The following KIF5B variants were observed in gnomAD, a reference collection of about 807,000 sequenced individuals.
KIF5B encodes the protein kinesin family member 5B.
KIF5B carries 49 observed loss-of-function variants against 132.8 expected under a neutral mutation model. The observed-to-expected ratio is 0.37, with a 90% CI of 0.29 to 0.47. The LOEUF (loss-of-function observed/expected upper bound fraction) is 0.47, where lower values mean the gene tolerates loss of function less well. Among genes scored for constraint, KIF5B ranks in the 20% least tolerant of loss-of-function variants. The pLI is 1.00. For missense variants in KIF5B, 780 were observed against 1,144.0 expected, an observed-to-expected ratio of 0.68 and a Z score of 4.59; for synonymous variants, 355 against 369.4, an observed-to-expected ratio of 0.96 and a Z score of 0.45.
chr10:32,031,294 ATAATT>A lies in KIF5B; in HGVS notation c.1375-20_1375-16del. The A allele has an allele frequency of 1.2e-6, 2 of 1,604,090 alleles. No homozygotes were observed. The highest frequency in any genetic ancestry group is 1.7e-6 in the Non-Finnish European group (2 of 1,172,632). On this transcript the variant is annotated splice_polypyrimidine_tract_variant and intron_variant, in intron 13 of 25. Transcript: ENST00000302418. ...GATGCCAAAAGCTATAGGACAGAAA[ATAATT>A]TATTTTCCCCAAAAGTATACAGGTT...
intron 19 of KIF5B, 42 bp from the exon 20 acceptor site, chr10:32,020,001 A>C: frequency 7.9e-7 from 1 of 1,261,206 alleles, no homozygotes; most frequent in Non-Finnish European, 1.1e-6. Flanking sequence ...TCAATATCAC[A>C]GTTTTCTCAA....
chr10:32,023,021 C>CAGGA lies in KIF5B; in HGVS notation c.1740_1741insTCCT (p.Gly581SerfsTer6). 1 of 1,583,918 alleles carries CAGGA rather than the reference C, an allele frequency of 6.3e-7. No homozygotes were observed. The highest frequency in any genetic ancestry group is 8.6e-7 in the Non-Finnish European group (1 of 1,162,654). On this transcript the variant is annotated frameshift_variant, in exon 16 of 26. Coordinates refer to ENST00000302418, the MANE Select transcript of KIF5B (RefSeq NM_004521.3). LOFTEE classifies it high-confidence loss of function. ...ACAGTGAACTCTTCATCTATCATGCCAGTTCCCTCAGGCTGCTGTAAGGAA... is the reference window on the plus strand; with the variant it reads ...ACAGTGAACTCTTCATCTATCATGCCAGGAAGTTCCCTCAGGCTGCTGTAAGGAA...
intron 1 of KIF5B, 117 bp from the exon 2 acceptor site, chr10:32,048,668 T>C: frequency 3.2e-6 from 2 of 631,930 alleles, no homozygotes; most frequent in South Asian, 2.1e-5. Flanking sequence ...CTAGTATGCA[T>C]AATTTGGTAT....
Position 32,021,059 on chromosome 10 carries a change from C to T in KIF5B, c.2167G>A (p.Val723Ile), listed in dbSNP as rs773891861. The T allele has an allele frequency of 1.9e-6, 3 of 1,613,014 alleles. No homozygotes were observed. Among genetic ancestry groups the T allele is most frequent in the Non-Finnish European group, 2.5e-6 (3 of 1,179,198 alleles). The part of the protein sequence containing the change: ...QKQISSLRDE[V>I]EAKAKLITDL... ...GTAATAAGTTTTGCTTTTGCTTCTACTTCATCTCTCAAACTACTGATCTGT... is the reference window on the plus strand; with the variant it reads ...GTAATAAGTTTTGCTTTTGCTTCTATTTCATCTCTCAAACTACTGATCTGT... Residue 723 changes from valine to isoleucine, a missense_variant, in exon 19 of 26, where the codon GTA (valine) becomes ATA (isoleucine). Val to Ile is a conservative substitution (Grantham distance 29). Coordinates refer to ENST00000302418, the MANE Select transcript of KIF5B (RefSeq NM_004521.3).
rs1169323611 is a variant in KIF5B at position 32,010,555 on chromosome 10, G to A, written c.*982C>T. ...TCTTCATTTTTCTCAATTTCCACACGCTATAAATTTAGGTCGGCCAATAAA... is the reference window on the plus strand; with the variant it reads ...TCTTCATTTTTCTCAATTTCCACACACTATAAATTTAGGTCGGCCAATAAA... On this transcript the variant is annotated 3_prime_UTR_variant, in exon 26 of 26. Transcript: ENST00000302418. The A allele has an allele frequency of 2.6e-5, 4 of 151,868 alleles. No individual in the cohort carries two copies. Among genetic ancestry groups the A allele is most frequent in the East Asian group, 1.9e-4 (1 of 5,194 alleles). The allele number at this position is 151,868 out of a possible 1,614,324, so 9.4% of individuals were successfully genotyped here. A position where few individuals can be genotyped will look rare whatever the true frequency, so the allele number is the denominator to read the frequency against.
Position 32,022,929 on chromosome 10 carries a change from T to C in KIF5B, c.1833A>G (p.Leu611=), listed in dbSNP as rs751003349. Residue 611 remains leucine (L), a synonymous_variant, in exon 16 of 26, where the codon TTA becomes TTG. Transcript: ENST00000302418. ...VKTMVKRCKQ[L]ESTQTESNKK... ...TGTTGCTCTCAGTTTGTGTGCTTTCTAACTGCTTGCAACGTTTCACCATGG... is the reference window on the plus strand; with the variant it reads ...TGTTGCTCTCAGTTTGTGTGCTTTCCAACTGCTTGCAACGTTTCACCATGG... 41 of 1,613,550 alleles carry C rather than the reference T, an allele frequency of 2.5e-5. No individual in the cohort carries two copies. The highest frequency in any genetic ancestry group is 1.7e-6 in the Non-Finnish European group (2 of 1,179,658).
At chr10:32,026,058 T>C (rs1031548329) in intron 15 of KIF5B, among the ~76,000 whole-genome samples, 5 of 152,156 alleles carry the variant, frequency 3.3e-5, no homozygotes, top group African/African-American at 1.2e-4. Context: ...TATTATGCAC[T>C]CCTTAAAATC....
rs1380357968 is a variant in KIF5B, at chr10:32,021,026, G to A, written c.2200C>T (p.Gln734Ter). Residue 734 changes from glutamine to a stop codon, truncating the protein, a stop_gained, in exon 19 of 26, where the codon CAA (glutamine) becomes TAA (stop). Transcript: ENST00000302418. LOFTEE classifies it high-confidence loss of function. ...EAKAKLITDL[Q>*]DQNQKMMLEQ... ...CTAGAGAAGTATAATACTTACTCTT[G>A]AAGATCAGTAATAAGTTTTGCTTTT... The A allele has an allele frequency of 1.3e-6, 2 of 1,550,480 alleles. No individual in the cohort carries two copies. The highest frequency in any genetic ancestry group is 1.1e-5 in the South Asian group (1 of 89,756).
intron 15 of KIF5B, among the ~76,000 whole-genome samples, chr10:32,028,127 C>G (rs1841356364): frequency 6.6e-6 from 1 of 152,116 alleles, no homozygotes; most frequent in Non-Finnish European, 1.5e-5. Context: ...CCATGCCAGG[C>G]TCATTTTTGT....
rs777603893 is a variant in KIF5B at position 32,055,835 on chromosome 10, G to A, written c.126+13C>T. 44 of 1,610,548 alleles carry A rather than the reference G, an allele frequency of 2.7e-5. No individual in the cohort carries two copies. The highest frequency in any genetic ancestry group is 1.6e-4 in the Middle Eastern group (1 of 6,078). On this transcript the variant is annotated intron_variant, in intron 1 of 25. Transcript: ENST00000302418. ...AAGAAGCGGGAGGAGGGATGCCGGC[G>A]GGGGTCACTCACCGCGATCACGACC...
chr10:32,034,110 AATTTT>A, intron 11 of KIF5B, 72 bp from the exon 12 acceptor site: 1 of 1,006,218 alleles, frequency 9.9e-7, no homozygotes, highest in Non-Finnish European at 1.4e-6. Context: ...TTCCTTTAAA[AATTTT>A]TTTTTTTTTT....
At chr10:32,037,401 A>T (rs1301931096) in intron 7 of KIF5B, 23 bp from the exon 8 acceptor site, 3 of 1,608,086 alleles carry the variant, frequency 1.9e-6, no homozygotes, top group Non-Finnish European at 1.7e-6. Context: ...TACACAAACA[A>T]ATATAAACAA....
rs1841474652 is a variant in KIF5B at position 32,037,391 on chromosome 10, TAC to T, written c.587-15_587-14del. ...TGTTCATTCATATCTGCAAGGAAAT[TAC>T]ACAAACAAATATAAACAAACATGAT... On this transcript the variant is annotated splice_polypyrimidine_tract_variant and intron_variant, in intron 7 of 25. Coordinates refer to ENST00000302418, the MANE Select transcript of KIF5B (RefSeq NM_004521.3). The T allele has an allele frequency of 6.2e-7, 1 of 1,608,636 alleles. No homozygotes were observed. The highest frequency in any genetic ancestry group is 1.1e-5 in the South Asian group (1 of 90,280).
intron 5 of KIF5B, 146 bp downstream of exon 5, chr10:32,038,632 C>T (rs987793588): frequency 3.4e-6 from 2 of 591,240 alleles, no homozygotes; most frequent in Non-Finnish European, 6.0e-6. Flanking sequence ...AGGTATTCAA[C>T]TAAAACTTTA....
chr10:32,048,642 C>A, intron 1 of KIF5B, 91 bp from the exon 2 acceptor site: 1 of 888,114 alleles, frequency 1.1e-6, no homozygotes, highest in Non-Finnish European at 1.8e-6. Flanking sequence ...TATATTTAAT[C>A]CTCAAAATAG....
intron 2 of KIF5B, 116 bp from the exon 3 acceptor site, chr10:32,040,573 T>C: frequency 1.6e-6 from 1 of 642,066 alleles, no homozygotes; most frequent in Non-Finnish European, 2.8e-6. Flanking sequence ...AATTACTTAA[T>C]GTTACAGGAA....
chr10:32,014,537 G>T (rs1841131768), intron 25 of KIF5B, among the ~76,000 whole-genome samples: 1 of 144,722 alleles, frequency 6.9e-6, no homozygotes, highest in African/African-American at 2.6e-5. Flanking sequence ...AACTAATACA[G>T]AAAGCTCCAG....
intron 8 of KIF5B, among the ~76,000 whole-genome samples, chr10:32,036,264 TC>T (rs1211757169): frequency 1.3e-5 from 2 of 152,184 alleles, no homozygotes; most frequent in Non-Finnish European, 2.9e-5. Context: ...AATCTGTTAG[TC>T]CCCTTTGCTA....
At chr10:32,017,424 T>A in intron 23 of KIF5B, 65 bp from the exon 24 acceptor site, 1 of 1,226,596 alleles carries the variant, frequency 8.2e-7, no homozygotes. Context: ...AGTATGAGCA[T>A]TTCATAATTG....
Sources: gnomAD v4.1 joint callset for allele counts (sites outside exome capture counted in the v4.1 genomes callset) on GRCh38, gnomAD v4.1.1 for gene constraint, MANE v1.5 for transcripts, NCBI Gene and HGNC (gene_info 2026-07-23, HGNC 2026-07-21) for gene names.